Variants in TRIM5 observed in about 807,000 individuals in gnomAD.
TRIM5 encodes tripartite motif containing 5.
TRIM5 carries 31 observed loss-of-function variants against 35.6 expected under a neutral mutation model. The observed-to-expected ratio is 0.87, with a 90% confidence interval of 0.65 to 1.18. The LOEUF (loss-of-function observed/expected upper bound fraction) is 1.18, where lower values mean the gene tolerates loss of function less well. TRIM5 is among the 50% of genes most tolerant of loss of function. The pLI is 0.00. For synonymous variants in TRIM5, 243 were observed against 215.6 expected (o/e 1.13, Z -1.11); for missense variants, 609 against 591.6 (o/e 1.03, Z -0.31).
chr11:5,622,715 C>G, the TRIM5 span, among the ~76,000 whole-genome samples: 1 of 152,252 alleles, frequency 6.6e-6, no homozygotes, highest in East Asian at 1.9e-4. Flanking sequence ...AACTGATGGG[C>G]TAAGGTAATA....
Position 5,663,427 on chromosome 11 carries a change from T to TA in TRIM5, c.*1381dup, listed in dbSNP as rs973126590. The TA allele has an allele frequency of 1.0e-6, 1 of 984,822 alleles. No individual in the cohort carries two copies. The highest frequency in any genetic ancestry group is 1.7e-5 in the African/African-American group (1 of 57,238). 61.0% of individuals were successfully genotyped at this position (984,822 alleles called of 1,614,324 possible). On this transcript the variant is annotated 3_prime_UTR_variant, in exon 8 of 8. Transcript: ENST00000380034. ...CATTTTGACAGTAGTATCTGAGATC[T>TA]AAAAAATGAGAATTTAGTAAATCCA...
At chr11:5,678,519 G>C in intron 3 of TRIM5, 85 bp from the exon 4 acceptor site, 1 of 1,116,118 alleles carries the variant, frequency 9.0e-7, no homozygotes, top group Non-Finnish European at 1.3e-6. Context: ...CTTTTGGGGA[G>C]TTCTCACAAG....
chr11:5,613,267 A>G, the TRIM5 span, among the ~76,000 whole-genome samples: 1 of 152,284 alleles, frequency 6.6e-6, no homozygotes, highest in Non-Finnish European at 1.5e-5. Flanking sequence ...GCTCATGACC[A>G]GAGAATGATT....
In TRIM5 at chr11:5,678,270, C is replaced by A. The variant is rs368748763; in HGVS notation, c.678G>T (p.Gln226His). ...NSETEMVQQT[Q>H]SLRELISDLE... ...GATCTGAGATGAGCTCTCTCAGGGA[C>A]TGGGTCTGCTGCACCATCTCAGTTT... Residue 226 changes from glutamine (Q) to histidine (H), a missense_variant, in exon 4 of 8, where the codon CAG (glutamine) becomes CAT (histidine). Physicochemically the swap from Gln to His is conservative, Grantham distance 24. Coordinates refer to ENST00000380034, the MANE Select transcript of TRIM5 (RefSeq NM_033034.3). 3.7e-6 allele frequency: 6 copies of A among 1,613,982 alleles called. No homozygotes were observed. Among genetic ancestry groups the A allele is most frequent in the Non-Finnish European group, 3.4e-6 (4 of 1,179,984 alleles).
At chr11:5,614,038 G>A in the TRIM5 span, among the ~76,000 whole-genome samples, 1 of 152,190 alleles carries the variant, frequency 6.6e-6, no homozygotes, top group Non-Finnish European at 1.5e-5. Flanking sequence ...CTCAATCTGA[G>A]ACTTGGGGAC....
chr11:5,633,760 A>C, the TRIM5 span: 2 of 1,579,238 alleles, frequency 1.3e-6, no homozygotes, highest in Non-Finnish European at 1.7e-6. Flanking sequence ...TCCAGATACT[A>C]AGAAAGCTTA....
the TRIM5 span, among the ~76,000 whole-genome samples, chr11:5,601,508 A>G: frequency 4.6e-5 from 7 of 152,206 alleles, no homozygotes; most frequent in Non-Finnish European, 1.0e-4. Context: ...TTGTAATCCC[A>G]GCACTTTGGG....
the TRIM5 span, among the ~76,000 whole-genome samples, chr11:5,598,856 T>A: frequency 1.3e-5 from 2 of 152,180 alleles, no homozygotes; most frequent in Non-Finnish European, 2.9e-5. Flanking sequence ...TTCTGTGAAT[T>A]TTCACAGTTG....
At chr11:5,632,960 C>T in the TRIM5 span, among the ~76,000 whole-genome samples, 4 of 147,724 alleles carry the variant, frequency 2.7e-5, no homozygotes, top group Admixed American at 6.8e-5. Context: ...CCAAGTAGCT[C>T]GGATTACAGG....
the TRIM5 span, among the ~76,000 whole-genome samples, chr11:5,657,316 G>A: frequency 2.0e-5 from 3 of 151,456 alleles, no homozygotes; most frequent in Non-Finnish European, 2.9e-5. Flanking sequence ...TTCGATGGGT[G>A]GGGGACTAGG....
the TRIM5 span, among the ~76,000 whole-genome samples, chr11:5,629,860 G>A: frequency 3.9e-5 from 6 of 152,118 alleles, no homozygotes; most frequent in East Asian, 1.9e-4. Flanking sequence ...GGCGCCCGCC[G>A]CCACCCCTGG....
intron 1 of TRIM5, among the ~76,000 whole-genome samples, chr11:5,683,246 C>G (rs2343228): frequency 2.2e-4 from 34 of 152,358 alleles, no homozygotes; most frequent in African/African-American, 6.5e-4. Context: ...CCCTGCTCCA[C>G]GGCGCCCAGT....
the TRIM5 span, chr11:5,596,636 CAGA>C: frequency 1.2e-5 from 5 of 414,104 alleles, no homozygotes; most frequent in South Asian, 1.4e-4. Context: ...CGACTCCTCC[CAGA>C]AGGAGTTGGG....
Position 5,679,061 on chromosome 11 carries a change from C to T in TRIM5, c.513+13G>A, listed in dbSNP as rs1342163213. On this transcript the variant is annotated intron_variant, in intron 3 of 7. Transcript: ENST00000380034. ...ATTTCTAGCTAACTCCTTCGGGAAC[C>T]ACATCCTCTTGCCTTCCAGGAAGCT... 2 of 1,611,530 alleles carry T rather than the reference C, an allele frequency of 1.2e-6. No homozygotes were observed. Among genetic ancestry groups the T allele is most frequent in the African/African-American group, 1.3e-5 (1 of 74,878 alleles).
At chr11:5,678,111 T>G in intron 4 of TRIM5, 93 bp downstream of exon 4, 1 of 1,079,434 alleles carries the variant, frequency 9.3e-7, no homozygotes, top group Non-Finnish European at 1.3e-6. Context: ...GCAGAGAACA[T>G]TGTTAATATT....
the TRIM5 span, among the ~76,000 whole-genome samples, chr11:5,627,380 C>CA: frequency 5.4e-5 from 8 of 148,526 alleles, no homozygotes; most frequent in East Asian, 9.8e-4. Context: ...AACTCCGTCT[C>CA]AAAAAAAAAG....
chr11:5,644,661 C>T, the TRIM5 span, among the ~76,000 whole-genome samples: 5 of 152,088 alleles, frequency 3.3e-5, no homozygotes, highest in Non-Finnish European at 5.9e-5. Flanking sequence ...GTAAATTATA[C>T]ATCCACTGTA....
chr11:5,613,143 T>TACAG, the TRIM5 span, among the ~76,000 whole-genome samples: 1 of 152,342 alleles, frequency 6.6e-6, no homozygotes, highest in African/African-American at 2.4e-5. Flanking sequence ...TGTTTATCTC[T>TACAG]ACAGAACCTG....
At chr11:5,674,852 A>G (rs1376828887) in intron 4 of TRIM5, among the ~76,000 whole-genome samples, 2 of 152,216 alleles carry the variant, frequency 1.3e-5, no homozygotes, top group Non-Finnish European at 2.9e-5. Flanking sequence ...TTGAGCTCAT[A>G]AAAGTAGAGA....
Sources: gnomAD v4.1 joint callset for allele counts (sites outside exome capture counted in the v4.1 genomes callset) on GRCh38, gnomAD v4.1.1 for gene constraint, MANE v1.5 for transcripts, NCBI Gene and HGNC (gene_info 2026-07-23, HGNC 2026-07-21) for gene names.